KLF12: variants seen among roughly 807,000 people sequenced by gnomAD.
KLF12 encodes the protein KLF transcription factor 12, also known as Krueppel-like factor 12.
In KLF12, 9 loss-of-function variants were observed where a neutral mutation model predicts 37.8. The ratio of observed to expected loss-of-function variants is 0.24; its 90% CI spans 0.14 to 0.42. The LOEUF (loss-of-function observed/expected upper bound fraction) is 0.42, where lower values mean the gene tolerates loss of function less well. Among genes scored for constraint, KLF12 ranks in the 10% least tolerant of loss-of-function variants. The probability of loss-of-function intolerance (pLI) is 1.00; values close to 1 mark genes in which losing one functional copy is unlikely to be tolerated. For missense variants in KLF12, 411 were observed against 516.0 expected, an observed-to-expected ratio of 0.80 and a Z score of 1.97; for synonymous variants, 208 against 202.1, an observed-to-expected ratio of 1.03 and a Z score of -0.25.
chr13:74,005,953 C>T (rs541083218), intron 1 of KLF12, among the ~76,000 whole-genome samples: 1 of 152,280 alleles, frequency 6.6e-6, no homozygotes, highest in African/African-American at 2.4e-5. Context: ...TGATCTGGCT[C>T]AGGGTGCTTC....
At chr13:74,303,725 G>A in the KLF12 span, among the ~76,000 whole-genome samples, 2 of 151,978 alleles carry the variant, frequency 1.3e-5, no homozygotes, top group Admixed American at 6.6e-5. Context: ...CTTTGTCAAC[G>A]CACAAATCCT....
chr13:74,239,781 CT>C, the KLF12 span, among the ~76,000 whole-genome samples: 1 of 150,850 alleles, frequency 6.6e-6, no homozygotes, highest in Non-Finnish European at 1.5e-5. Flanking sequence ...TTTTTTTTTG[CT>C]TTCCATTTGC....
intron 1 of KLF12, among the ~76,000 whole-genome samples, chr13:74,065,372 T>G (rs1488921148): frequency 6.6e-6 from 1 of 152,182 alleles, no homozygotes; most frequent in Non-Finnish European, 1.5e-5. Context: ...AATTCAGGTG[T>G]GAGCCAGACA....
chr13:74,002,196 C>T (rs1252730749), intron 1 of KLF12, among the ~76,000 whole-genome samples: 1 of 151,880 alleles, frequency 6.6e-6, no homozygotes, highest in African/African-American at 2.4e-5. Flanking sequence ...CGAATCTGCT[C>T]CTCAACACAC....
At chr13:73,924,019 T>C (rs915029878) in intron 3 of KLF12, among the ~76,000 whole-genome samples, 6 of 152,180 alleles carry the variant, frequency 3.9e-5, no homozygotes, top group African/African-American at 9.7e-5. Flanking sequence ...AAAATGATGA[T>C]CACAATACTT....
intron 2 of KLF12, among the ~76,000 whole-genome samples, chr13:73,959,115 C>G (rs531714380): frequency 7.2e-5 from 1 of 13,802 alleles, no homozygotes; most frequent in African/African-American, 1.4e-4. Flanking sequence ...GACCTCCACA[C>G]CCCCCTTCCA....
the KLF12 span, among the ~76,000 whole-genome samples, chr13:74,284,919 C>A: frequency 1.2e-4 from 19 of 152,076 alleles, no homozygotes; most frequent in Non-Finnish European, 2.1e-4. Context: ...TTTTTTTTCC[C>A]ACCCATTATA....
At chr13:74,121,829 G>C (rs568805736) in intron 1 of KLF12, among the ~76,000 whole-genome samples, 2 of 151,916 alleles carry the variant, frequency 1.3e-5, no homozygotes, top group African/African-American at 4.8e-5. Context: ...CTGGATATAT[G>C]AAAACATTAC....
At chr13:73,778,421 G>C (rs986831048) in intron 5 of KLF12, among the ~76,000 whole-genome samples, 1 of 152,112 alleles carries the variant, frequency 6.6e-6, no homozygotes, top group Non-Finnish European at 1.5e-5. Flanking sequence ...AGCGCACGTG[G>C]TGCAATCACG....
intron 3 of KLF12, among the ~76,000 whole-genome samples, chr13:73,878,103 A>T (rs900984668): frequency 1.3e-5 from 2 of 152,112 alleles, no homozygotes; most frequent in African/African-American, 4.8e-5. Context: ...CAGTAACTCC[A>T]TTGGCATCTT....
At chr13:74,041,026 A>G (rs1893387652) in intron 1 of KLF12, among the ~76,000 whole-genome samples, 1 of 152,146 alleles carries the variant, frequency 6.6e-6, no homozygotes, top group Non-Finnish European at 1.5e-5. Context: ...GGGTGACAAT[A>G]AATAAACCCA....
chr13:73,819,855 T>C lies in KLF12; in HGVS notation c.671-6568A>G, dbSNP rs1372916117. Among the ~76,000 whole-genome samples the C allele has an allele frequency of 3.9e-5, 6 of 152,028 alleles. No homozygotes were observed. In the South Asian group the frequency reaches 1.0e-3, roughly 26 times the overall value. On this transcript the variant is annotated intron_variant, in intron 4 of 7. Coordinates refer to ENST00000377669, the MANE Select transcript of KLF12 (RefSeq NM_007249.5). The stretch of plus-strand genomic sequence containing the variant: ...GGTGAGGGTTTTTGGGTTTTGTTTG[T>C]AGGGTGAGGGGCATTCCAGGCAGAG...
chr13:74,218,505 T>C, the KLF12 span, among the ~76,000 whole-genome samples: 1 of 152,154 alleles, frequency 6.6e-6, no homozygotes, highest in Non-Finnish European at 1.5e-5. Flanking sequence ...CTCCAGCACC[T>C]CCCAGGTTCA....
chr13:73,949,883 A>G (rs1009088233), intron 2 of KLF12, among the ~76,000 whole-genome samples: 6 of 152,238 alleles, frequency 3.9e-5, no homozygotes, highest in African/African-American at 1.2e-4. Context: ...ATCAATGTCA[A>G]TAACTGTATT....
chr13:74,134,562 C>T (rs1346638689), upstream of KLF12, among the ~76,000 whole-genome samples: 6 of 150,976 alleles, frequency 4.0e-5, no homozygotes, highest in East Asian at 1.0e-3. Flanking sequence ...CCCCCGCCCT[C>T]CGGCCCCGGG....
At chr13:73,743,954 T>C (rs7336460) in intron 6 of KLF12, among the ~76,000 whole-genome samples, 3 of 152,192 alleles carry the variant, frequency 2.0e-5, no homozygotes, top group African/African-American at 7.2e-5. Context: ...AAGAAACTAA[T>C]GTATACCTTT....
At chr13:74,188,044 G>A in the KLF12 span, among the ~76,000 whole-genome samples, 2 of 152,080 alleles carry the variant, frequency 1.3e-5, no homozygotes, top group African/African-American at 4.8e-5. Context: ...TTATTATGTA[G>A]AACATGCTTA....
chr13:74,275,783 T>TTTCTTTCTTTCTTTCC, the KLF12 span, among the ~76,000 whole-genome samples: 5 of 64,132 alleles, frequency 7.8e-5, no homozygotes, highest in Non-Finnish European at 1.2e-4. Context: ...TGTCTTTTTC[T>TTTCTTTCTTTCTTTCC]TTCTTTCTTT....
At chr13:74,198,200 A>G in the KLF12 span, among the ~76,000 whole-genome samples, 1 of 152,158 alleles carries the variant, frequency 6.6e-6, no homozygotes, top group African/African-American at 2.4e-5. Flanking sequence ...AGACACTGCT[A>G]GAGACCCAGG....
Sources: gnomAD v4.1 joint callset for allele counts (sites outside exome capture counted in the v4.1 genomes callset) on GRCh38, gnomAD v4.1.1 for gene constraint, MANE v1.5 for transcripts, NCBI Gene and HGNC (gene_info 2026-07-23, HGNC 2026-07-21) for gene names.